BRWD1: variants seen among roughly 807,000 people sequenced by gnomAD.
The protein encoded by BRWD1 is bromodomain and WD repeat-containing protein 1.
BRWD1 carries 82 observed loss-of-function variants against 251.2 expected under a neutral mutation model. That is an observed-to-expected ratio of 0.33 (90% CI 0.27 to 0.39). The LOEUF (loss-of-function observed/expected upper bound fraction) is 0.39. Among genes scored for constraint, BRWD1 ranks in the 10% least tolerant of loss-of-function variants. BRWD1 has a pLI of 1.00. For missense variants in BRWD1, 2,233 were observed against 2,711.6 expected (o/e 0.82, Z 3.92); for synonymous variants, 918 against 902.8 (o/e 1.02, Z -0.30).
At chr21:39,309,284 A>AG (rs917124241) in intron 4 of BRWD1, among the ~76,000 whole-genome samples, 85 of 90,750 alleles carry the variant, frequency 9.4e-4, no homozygotes, top group Middle Eastern at 5.3e-3. Flanking sequence ...CTTTTTCTCT[A>AG]GGGGAAAAAA....
At chr21:39,293,029 G>C (rs2035859728) in intron 8 of BRWD1, among the ~76,000 whole-genome samples, 1 of 152,120 alleles carries the variant, frequency 6.6e-6, no homozygotes. Flanking sequence ...TGAAATATTT[G>C]CAGAAGAAAT....
intron 38 of BRWD1, among the ~76,000 whole-genome samples, chr21:39,201,720 GT>G (rs974466007): frequency 3.3e-5 from 5 of 152,116 alleles, no homozygotes; most frequent in African/African-American, 9.7e-5. Context: ...CTTTCTCCAC[GT>G]TTTATCACAG....
intron 4 of BRWD1, among the ~76,000 whole-genome samples, chr21:39,312,074 G>A (rs2036502997): frequency 6.6e-6 from 1 of 152,120 alleles, no homozygotes; most frequent in African/African-American, 2.4e-5. Flanking sequence ...AATGTCTCCA[G>A]TAAAAACAAA....
In BRWD1 at chr21:39,247,740, C is replaced by T. The variant is rs755860225; in HGVS notation, c.2442G>A (p.Glu814=). 4.3e-6 allele frequency: 7 copies of T among 1,613,498 alleles called. No individual in the cohort carries two copies. In the South Asian group the frequency reaches 7.7e-5, roughly 18 times the overall value. The change falls in exon 21 of 41, where the codon GAG becomes GAA. Residue 814 remains glutamate (E), a synonymous_variant. Transcript: ENST00000342449. The part of the protein sequence containing the change: ...NYGRRNRSWR[E]LSSGNESSSS... The stretch of plus-strand genomic sequence containing the variant: ...TTGAAGACTCATTTCCAGAAGATAA[C>T]TCACGCCAGCTACGATTTCTTCTAC...
chr21:39,269,577 ATT>A (rs1218131788), intron 15 of BRWD1, among the ~76,000 whole-genome samples: 2 of 152,200 alleles, frequency 1.3e-5, no homozygotes, highest in African/African-American at 2.4e-5. Context: ...AAATATTTCA[ATT>A]TGTTATAGAA....
intron 27 of BRWD1, among the ~76,000 whole-genome samples, 164 bp from the exon 28 acceptor site, chr21:39,225,361 A>T (rs1454890771): frequency 6.6e-6 from 1 of 152,252 alleles, no homozygotes; most frequent in African/African-American, 2.4e-5. Context: ...GGCATAAAAA[A>T]TTTAACTTTT....
Position 39,312,845 on chromosome 21 carries a change from TCCTCGTAGCTCC to T in BRWD1, c.182_193del (p.Arg61_Glu65delinsLys). On this transcript the variant is annotated inframe_deletion, in exon 4 of 41. Transcript: ENST00000342449. ...GCAAACGTGCCCAATGCTCACCAAC[TCCTCGTAGCTCC>T]TGTTGTGCTCGTTGCCCTCCCAGTC... 1 of 1,567,436 alleles carries T rather than the reference TCCTCGTAGCTCC, an allele frequency of 6.4e-7. No individual in the cohort carries two copies. Among genetic ancestry groups the T allele is most frequent in the Non-Finnish European group, 8.6e-7 (1 of 1,159,522 alleles).
Position 39,188,398 on chromosome 21 carries a change from A to G in BRWD1, c.*7861T>C, listed in dbSNP as rs1244378260. ...TAACCAGTTGATATCCTCCACCCAC[A>G]CTAGACATCTGGAGGACTCCACCAC... On this transcript the variant is annotated 3_prime_UTR_variant, in exon 41 of 41. Transcript: ENST00000342449. 3.0e-6 allele frequency: 3 copies of G among 985,274 alleles called. No individual in the cohort carries two copies. Among genetic ancestry groups the G allele is most frequent in the African/African-American group, 1.7e-5 (1 of 57,220 alleles). The allele number at this position is 985,274 out of a possible 1,614,324, so 61.0% of individuals were successfully genotyped here.
intron 31 of BRWD1, chr21:39,217,048 TA>T (rs1265345905): frequency 7.9e-3 from 139 of 17,592 alleles, no homozygotes; most frequent in Non-Finnish European, 0.012. Context: ...TATATATATA[TA>T]TTTATATATA....
chr21:39,314,796 A>ACCTTGTCTTGGCT (rs2036663941), upstream of BRWD1: 1 of 162,358 alleles, frequency 6.2e-6, no homozygotes, highest in Non-Finnish European at 1.4e-5. Flanking sequence ...CACTGCCTGC[A>ACCTTGTCTTGGCT]CCTTGTCTTG....
chr21:39,266,809 G>A (rs1035308720), intron 15 of BRWD1, among the ~76,000 whole-genome samples: 13 of 152,180 alleles, frequency 8.5e-5, no homozygotes, highest in African/African-American at 2.9e-4. Context: ...TAGGAATTAT[G>A]AGCCTCTTAG....
intron 7 of BRWD1, among the ~76,000 whole-genome samples, chr21:39,294,443 G>T (rs2035896459): frequency 6.6e-6 from 1 of 151,986 alleles, no homozygotes; most frequent in Non-Finnish European, 1.5e-5. Flanking sequence ...GGATCACAAG[G>T]TCAGGAGATC....
At chr21:39,310,170 T>C (rs996600814) in intron 4 of BRWD1, among the ~76,000 whole-genome samples, 1 of 152,216 alleles carries the variant, frequency 6.6e-6, no homozygotes, top group African/African-American at 2.4e-5. Context: ...AAAACATATG[T>C]ATACCTCAAA....
intron 13 of BRWD1, among the ~76,000 whole-genome samples, chr21:39,274,170 G>C (rs546017919): frequency 6.6e-6 from 1 of 152,096 alleles, no homozygotes; most frequent in African/African-American, 2.4e-5. Context: ...GCTATACAAC[G>C]TAAGGATAAA....
intron 36 of BRWD1, among the ~76,000 whole-genome samples, chr21:39,207,968 C>T (rs1368485250): frequency 2.6e-5 from 4 of 151,968 alleles, no homozygotes; most frequent in South Asian, 2.1e-4. Context: ...ATTCAGACAC[C>T]GAAAGTTAGA....
At chr21:39,228,258 A>T (rs1216686138) in intron 27 of BRWD1, among the ~76,000 whole-genome samples, 1 of 152,178 alleles carries the variant, frequency 6.6e-6, no homozygotes, top group Middle Eastern at 3.2e-3. Context: ...ATTGCACTCC[A>T]GCCTGGGTGA....
At position 39,270,359 on chromosome 21, in the gene BRWD1, A is replaced by G. The variant is rs776381121; in HGVS notation, c.1319T>C (p.Ile440Thr). 1 of 1,613,080 alleles carries G rather than the reference A, an allele frequency of 6.2e-7. No homozygotes were observed. The highest frequency in any genetic ancestry group is 1.7e-5 in the Admixed American group (1 of 59,886). ...TMIAWNQNDS[I>T]VVTAVNDHVL... The stretch of plus-strand genomic sequence containing the variant: ...ATGATCATTCACAGCTGTGACAACA[A>G]TGCTATCATTTTGATTCCAAGCTAT... The change falls in exon 14 of 41, where the codon ATT becomes ACT. Residue 440 changes from isoleucine to threonine, a missense_variant. By Grantham distance (89) the Ile-to-Thr change is moderately conservative (BLOSUM62 -1). Transcript: ENST00000342449.
chr21:39,239,260 C>T (rs1399813648), intron 21 of BRWD1, among the ~76,000 whole-genome samples: 2 of 152,074 alleles, frequency 1.3e-5, no homozygotes, highest in East Asian at 3.8e-4. Flanking sequence ...CAATGCCACA[C>T]TCATGGACAC....
In BRWD1 at chr21:39,200,227, C is replaced by T. The variant is rs756012635; in HGVS notation, c.4745G>A (p.Arg1582Lys). 2 of 1,600,892 alleles carry T rather than the reference C, an allele frequency of 1.2e-6. No individual in the cohort carries two copies. Among genetic ancestry groups the T allele is most frequent in the South Asian group, 2.3e-5 (2 of 87,986 alleles). Reference protein sequence around the residue: ...LRVTRTRAAQRKTGPVSLANG... With the variant: ...LRVTRTRAAQKKTGPVSLANG... ...ACTACTGAGTCTCTTACCAGTTTTT[C>T]TTTGAGCAGCTCTAGTTCTGGTTAC... is the stretch of plus-strand genomic sequence containing the variant. Residue 1582 changes from arginine to lysine, a missense_variant, in exon 39 of 41, where the codon AGA becomes AAA. Physicochemically the swap from Arg to Lys is conservative, Grantham distance 26. Transcript: ENST00000342449.
Sources: gnomAD v4.1 joint callset for allele counts (sites outside exome capture counted in the v4.1 genomes callset) on GRCh38, gnomAD v4.1.1 for gene constraint, MANE v1.5 for transcripts, NCBI Gene and HGNC (gene_info 2026-07-23, HGNC 2026-07-21) for gene names.